The following PPP6R2 variants were observed in gnomAD, a reference collection of about 807,000 sequenced individuals.
PPP6R2 encodes the protein serine/threonine-protein phosphatase 6 regulatory subunit 2.
Under a neutral mutation model 100.2 loss-of-function variants are expected in PPP6R2, and 62 were observed. The ratio of observed to expected loss-of-function variants is 0.62; its 90% CI spans 0.50 to 0.76. The LOEUF is 0.76. Among genes scored for constraint, PPP6R2 ranks in the 30% least tolerant of loss-of-function variants. The probability of loss-of-function intolerance (pLI) is 0.00; values close to 1 mark genes in which losing one functional copy is unlikely to be tolerated. For synonymous variants in PPP6R2, 525 were observed against 514.7 expected, an observed-to-expected ratio of 1.02 and a Z score of -0.27; for missense variants, 1,142 against 1,276.3, an observed-to-expected ratio of 0.89 and a Z score of 1.60.
At position 50,435,201 on chromosome 22, in the gene PPP6R2, C is replaced by T. The variant is rs1339080835; in HGVS notation, c.1516+120C>T. 5.6e-6 allele frequency: 4 copies of T among 713,070 alleles called. No homozygotes were observed. In the African/African-American group the frequency reaches 7.4e-5, roughly 13 times the overall value. 44.2% of individuals were successfully genotyped at this position (713,070 alleles called of 1,614,324 possible). ...GCTGACTGCACTGACAGTGAGAGAC[C>T]CATGGCCACCTCTGTCCTCTCACTT... is the stretch of plus-strand genomic sequence containing the variant. On this transcript the variant is annotated intron_variant, in intron 13 of 23. Transcript: ENST00000612753.
chr22:50,443,561 G>A (rs1603428079), intron 22 of PPP6R2: 1 of 438,878 alleles, frequency 2.3e-6, no homozygotes, highest in East Asian at 3.8e-5. Context: ...TGAGATCATA[G>A]CACAGGAGGC....
intron 3 of PPP6R2, among the ~76,000 whole-genome samples, chr22:50,394,983 T>C (rs2056472220): frequency 6.6e-6 from 1 of 151,278 alleles, no homozygotes; most frequent in Non-Finnish European, 1.5e-5. Flanking sequence ...GTAAAGTTAA[T>C]TTTAGGTTGG....
At chr22:50,441,948 C>G (rs530949185) in intron 22 of PPP6R2, among the ~76,000 whole-genome samples, 39 of 152,276 alleles carry the variant, frequency 2.6e-4, no homozygotes, top group Admixed American at 2.2e-3. Context: ...AGCAACGGCA[C>G]AGCTGTGCAA....
At chr22:50,437,480 T>TACCAG in intron 15 of PPP6R2, 26 bp from the exon 16 acceptor site, 1 of 728,386 alleles carries the variant, frequency 1.4e-6, no homozygotes, top group Non-Finnish European at 2.5e-6. Context: ...TGTCTGTCCG[T>TACCAG]CCCTCCCTCC....
chr22:50,352,156 G>T (rs998107324), intron 1 of PPP6R2, among the ~76,000 whole-genome samples: 2 of 151,334 alleles, frequency 1.3e-5, no homozygotes, highest in Non-Finnish European at 2.9e-5. Flanking sequence ...GGCCAGGCTG[G>T]TCTTGAACTC....
intron 3 of PPP6R2, among the ~76,000 whole-genome samples, chr22:50,395,866 T>C (rs2148922881): frequency 6.7e-6 from 1 of 150,106 alleles, no homozygotes; most frequent in Middle Eastern, 3.4e-3. Flanking sequence ...TGTGCCTGGC[T>C]CGTTTTACCT....
At chr22:50,365,132 C>T (rs908262310) in intron 1 of PPP6R2, among the ~76,000 whole-genome samples, 12 of 145,078 alleles carry the variant, frequency 8.3e-5, no homozygotes, top group African/African-American at 2.6e-4. Flanking sequence ...ATTGTAATGG[C>T]GCAATCTCGG....
chr22:50,437,076 C>A lies in PPP6R2; in HGVS notation c.1683+8C>A. 6.4e-7 allele frequency: 1 copy of A among 1,555,560 alleles called. No homozygotes were observed. Among genetic ancestry groups the A allele is most frequent in the Non-Finnish European group, 8.7e-7 (1 of 1,150,426 alleles). ...GAGCTGTCCCTTCAGCAGGTGAGGG[C>A]GTGGCCGGCACCTGCACCCTGCCGG... On this transcript the variant is annotated splice_region_variant and intron_variant, in intron 15 of 23. Coordinates refer to ENST00000612753, the MANE Select transcript of PPP6R2 (RefSeq NM_001242898.2).
Position 50,351,031 on chromosome 22 carries a change from T to G in PPP6R2, c.-148+7481T>G, listed in dbSNP as rs868798872. Among the ~76,000 whole-genome samples the G allele has an allele frequency of 3.4e-3, 366 of 108,716 alleles. 27 individuals carry two copies. Among genetic ancestry groups the G allele is most frequent in the African/African-American group, 0.011 (331 of 28,924 alleles). The allele number at this position is 108,716 out of a possible 152,430, so 71.3% of individuals were successfully genotyped here. A position where few individuals can be genotyped will look rare whatever the true frequency, so the allele number is the denominator to read the frequency against. On this transcript the variant is annotated intron_variant, in intron 1 of 23. Coordinates refer to ENST00000612753, the MANE Select transcript of PPP6R2 (RefSeq NM_001242898.2). Reference sequence around the variant, plus strand: ...GAGCAGTAGGTCTCAACAGTGTTTTTTTTTTTTTTTTTTTTTTTTTTTTTT... The same window carrying G: ...GAGCAGTAGGTCTCAACAGTGTTTTGTTTTTTTTTTTTTTTTTTTTTTTTT...
the PPP6R2 span, among the ~76,000 whole-genome samples, chr22:50,333,567 C>G: frequency 6.6e-6 from 1 of 152,106 alleles, no homozygotes; most frequent in Non-Finnish European, 1.5e-5. Flanking sequence ...CTCCTGACCT[C>G]GTGATCCGCC....
chr22:50,440,918 A>G lies in PPP6R2; in HGVS notation c.2471A>G (p.Glu824Gly). Residue 824 changes from glutamate to glycine, a missense_variant, in exon 22 of 24, where the codon GAG becomes GGG. Glu to Gly is a moderately conservative substitution (Grantham distance 98, BLOSUM62 -2). Around this residue, in one of 2 missense-constraint regions of PPP6R2, gnomAD observed 550 missense variants for 517.4 expected, o/e 1.06. Transcript: ENST00000612753. The part of the protein sequence containing the change: ...DSSSSGGSHS[E>G]DGDQKAASAM... ...AGCTCCTCTGGGGGCTCCCACAGCG[A>G]GGATGGCGACCAGAAGGCAGCGAGT... The G allele has an allele frequency of 6.2e-7, 1 of 1,613,668 alleles. No individual in the cohort carries two copies. Among genetic ancestry groups the G allele is most frequent in the South Asian group, 1.1e-5 (1 of 91,078 alleles).
chr22:50,434,876 C>A, intron 12 of PPP6R2, 90 bp from the exon 13 acceptor site: 1 of 1,166,252 alleles, frequency 8.6e-7, no homozygotes, highest in Non-Finnish European at 1.2e-6. Flanking sequence ...CCGAAGTGAA[C>A]CTGGAGGCCT....
chr22:50,441,041 G>A lies in PPP6R2; in HGVS notation c.2579+15G>A. On this transcript the variant is annotated intron_variant, in intron 22 of 23. Coordinates refer to ENST00000612753, the MANE Select transcript of PPP6R2 (RefSeq NM_001242898.2). ...GCTGTCGGCAGGTGTGTGGGGCGTG[G>A]CGGGGGCGGGCCTGCCGGGTGCATA... The A allele has an allele frequency of 6.5e-7, 1 of 1,537,484 alleles. No individual in the cohort carries two copies. The highest frequency in any genetic ancestry group is 1.9e-5 in the Admixed American group (1 of 51,914).
chr22:50,346,898 G>A (rs1466147440), intron 1 of PPP6R2, among the ~76,000 whole-genome samples: 9 of 137,402 alleles, frequency 6.6e-5, no homozygotes, highest in Non-Finnish European at 1.5e-5. Context: ...ACCCGTACCC[G>A]TCAGTCACTG....
chr22:50,350,385 C>T (rs2044771013), intron 1 of PPP6R2, among the ~76,000 whole-genome samples: 2 of 151,358 alleles, frequency 1.3e-5, no homozygotes, highest in African/African-American at 4.8e-5. Context: ...CGCCCACCAC[C>T]ATGCCTGGCT....
intron 2 of PPP6R2, 30 bp downstream of exon 2, chr22:50,372,180 C>T (rs918705326): frequency 1.3e-5 from 2 of 152,090 alleles, no homozygotes; most frequent in Non-Finnish European, 2.9e-5. Context: ...CAATTTGATT[C>T]TGTTTTATTG....
intron 1 of PPP6R2, among the ~76,000 whole-genome samples, chr22:50,355,640 C>T (rs1349358864): frequency 6.6e-6 from 1 of 151,400 alleles, no homozygotes; most frequent in Non-Finnish European, 1.5e-5. Context: ...CCTGCCTCAG[C>T]CTCCTGAGTA....
Position 50,403,932 on chromosome 22 carries a change from G to A in PPP6R2, c.228-2757G>A, listed in dbSNP as rs180894966. Among the ~76,000 whole-genome samples, 664 of 152,214 alleles carry A rather than the reference G, an allele frequency of 4.4e-3. 8 individuals are homozygous for A. The highest frequency in any genetic ancestry group is 0.015 in the African/African-American group (619 of 41,516). On this transcript the variant is annotated intron_variant, in intron 3 of 23. Coordinates refer to ENST00000612753, the MANE Select transcript of PPP6R2 (RefSeq NM_001242898.2). ...TCTCAAACCCTGGCCCCTCCAGCCG[G>A]TCGCGTGGACCACCTTGGCTTAGGT...
chr22:50,366,019 T>G (rs549715113), intron 1 of PPP6R2, among the ~76,000 whole-genome samples: 1 of 152,284 alleles, frequency 6.6e-6, no homozygotes, highest in South Asian at 2.1e-4. Context: ...TGCCCAGACT[T>G]TGTGAATTTT....
Sources: gnomAD v4.1 joint callset for allele counts (sites outside exome capture counted in the v4.1 genomes callset) on GRCh38, gnomAD v4.1.1 for gene constraint, gnomAD v4.1.1 regional missense constraint, MANE v1.5 for transcripts, NCBI Gene and HGNC (gene_info 2026-07-23, HGNC 2026-07-21) for gene names.